ZMIZ1: variants seen among roughly 807,000 people sequenced by gnomAD.
The protein encoded by ZMIZ1 is zinc finger MIZ-type containing 1, also known as zinc finger MIZ domain-containing protein 1.
ZMIZ1 carries 17 observed loss-of-function variants against 113.9 expected under a neutral mutation model. That is an observed-to-expected ratio of 0.15 (90% CI 0.10 to 0.22). The LOEUF (loss-of-function observed/expected upper bound fraction) is 0.22. Ranked by LOEUF, ZMIZ1 falls within the 10% of genes least tolerant of loss-of-function variation. The pLI is 1.00. For missense variants in ZMIZ1, 1,059 were observed against 1,477.8 expected (o/e 0.72, Z 4.65); for synonymous variants, 607 against 603.1 (o/e 1.01, Z -0.09).
chr10:79,070,374 C>A (rs541939542), intron 1 of ZMIZ1, among the ~76,000 whole-genome samples: 1 of 152,250 alleles, frequency 6.6e-6, no homozygotes, highest in African/African-American at 2.4e-5. Flanking sequence ...GGGCGGCCGC[C>A]TTCCCGGCCA....
rs780656217 is a variant in ZMIZ1 at position 79,299,241 on chromosome 10, C to T, written c.1808+50C>T. The T allele has an allele frequency of 7.1e-6, 11 of 1,559,514 alleles. No individual in the cohort carries two copies. In the South Asian group the frequency reaches 1.3e-4, roughly 18 times the overall value. On this transcript the variant is annotated intron_variant, in intron 16 of 24. Transcript: ENST00000334512. Reference sequence around the variant, plus strand: ...GCCCAGGCGGGATGAAGGAGGTCCCCTGGGATGGCTTCCTTGGGCCCGAGT... The same window carrying T: ...GCCCAGGCGGGATGAAGGAGGTCCCTTGGGATGGCTTCCTTGGGCCCGAGT...
chr10:79,105,571 A>G (rs1843525725), intron 1 of ZMIZ1, among the ~76,000 whole-genome samples: 1 of 152,222 alleles, frequency 6.6e-6, no homozygotes, highest in Non-Finnish European at 1.5e-5. Context: ...TGACTGTGTC[A>G]AGGACAGCTG....
At chr10:79,307,925 G>A (rs543492702) in intron 23 of ZMIZ1, among the ~76,000 whole-genome samples, 66 of 152,164 alleles carry the variant, frequency 4.3e-4, no homozygotes, top group African/African-American at 1.6e-3. Flanking sequence ...CACCTAACAC[G>A]GTTCCAGCCA....
chr10:79,104,066 G>A (rs1843467483), intron 1 of ZMIZ1, among the ~76,000 whole-genome samples: 1 of 152,206 alleles, frequency 6.6e-6, no homozygotes, highest in Admixed American at 6.5e-5. Flanking sequence ...AGCAGGAGTA[G>A]CAACATGCTC....
chr10:79,314,008 G>C lies in ZMIZ1; in HGVS notation c.*1259G>C, dbSNP rs1030662606. 20 of 456,054 alleles carry C rather than the reference G, an allele frequency of 4.4e-5. No homozygotes were observed. Among genetic ancestry groups the C allele is most frequent in the African/African-American group, 3.2e-4 (16 of 50,202 alleles). 28.3% of individuals were successfully genotyped at this position (456,054 alleles called of 1,614,324 possible). On this transcript the variant is annotated 3_prime_UTR_variant, in exon 25 of 25. Transcript: ENST00000334512. ...CACCAGTATGTACCTGCAGGCATGG[G>C]GGGGAGGGGGGCGTGTTTCTGGGCC...
At chr10:79,177,826 G>A (rs2132556520) in intron 4 of ZMIZ1, among the ~76,000 whole-genome samples, 1 of 152,330 alleles carries the variant, frequency 6.6e-6, no homozygotes, top group Non-Finnish European at 1.5e-5. Flanking sequence ...TCAGAAAAGT[G>A]AAGGAAGAAA....
At chr10:79,208,579 T>A in intron 6 of ZMIZ1, 130 bp downstream of exon 6, 1 of 773,336 alleles carries the variant, frequency 1.3e-6, no homozygotes, top group Non-Finnish European at 2.1e-6. Flanking sequence ...GGGAAGACAC[T>A]GGTGCTGGGG....
chr10:79,165,968 G>GTATCTGGGCTCTTCCTGCAGCTCAGC (rs1564692785), intron 4 of ZMIZ1, among the ~76,000 whole-genome samples: 4 of 146,836 alleles, frequency 2.7e-5, no homozygotes, highest in African/African-American at 1.1e-4. Flanking sequence ...GTGTGTGTGT[G>GTATCTGGGCTCTTCCTGCAGCTCAGC]TGTGTGTGTG....
chr10:79,245,286 A>G (rs1850123297), intron 7 of ZMIZ1, among the ~76,000 whole-genome samples: 2 of 152,096 alleles, frequency 1.3e-5, no homozygotes, highest in Non-Finnish European at 2.9e-5. Flanking sequence ...CAGATGGGAA[A>G]ACTGATGTGC....
rs879142180 is a variant in ZMIZ1, at chr10:79,315,468, A to G, written c.*2719A>G. ...CGAGGCCTCTGCAAGCCACTTTTCC[A>G]TGCCAAGCATCCACCCGGCCCACAG... On this transcript the variant is annotated 3_prime_UTR_variant, in exon 25 of 25. Coordinates refer to ENST00000334512, the MANE Select transcript of ZMIZ1 (RefSeq NM_020338.4). The G allele has an allele frequency of 6.5e-6, 1 of 152,836 alleles. No homozygotes were observed. Among genetic ancestry groups the G allele is most frequent in the African/African-American group, 2.4e-5 (1 of 41,472 alleles). 9.5% of individuals were successfully genotyped at this position (152,836 alleles called of 1,614,324 possible). A position where few individuals can be genotyped will look rare whatever the true frequency, so the allele number is the denominator to read the frequency against.
intron 4 of ZMIZ1, among the ~76,000 whole-genome samples, chr10:79,180,247 G>A (rs1011593392): frequency 3.3e-5 from 5 of 152,126 alleles, no homozygotes; most frequent in African/African-American, 7.2e-5. Context: ...AAGCACACCC[G>A]TGACCAGGGC....
intron 21 of ZMIZ1, 27 bp downstream of exon 21, chr10:79,305,628 G>T (rs1854633231): frequency 1.2e-6 from 2 of 1,606,410 alleles, no homozygotes; most frequent in East Asian, 2.2e-5. Flanking sequence ...CGAGGGGCAG[G>T]GGGTGGGAGG....
intron 7 of ZMIZ1, among the ~76,000 whole-genome samples, chr10:79,233,152 G>A (rs1849462126): frequency 3.9e-5 from 6 of 152,246 alleles, no homozygotes. Flanking sequence ...TTGAGGGGGA[G>A]CAGCAGAAGC....
rs10648318 is a variant in ZMIZ1, at chr10:79,197,595, T to TACACACACACAC, written c.-49-3985_-49-3974dup. Among the ~76,000 whole-genome samples the TACACACACACAC allele has an allele frequency of 6.5e-3, 891 of 136,654 alleles. 15 individuals are homozygous for TACACACACACAC. The highest frequency in any genetic ancestry group is 0.014 in the East Asian group (59 of 4,310). The allele number at this position is 136,654 out of a possible 152,430, so 89.7% of individuals were successfully genotyped here. ...ATTACGCCCCTGCCAACCCAGACCA[T>TACACACACACAC]ACACACACACACACATACACACACA... On this transcript the variant is annotated intron_variant, in intron 4 of 24. Transcript: ENST00000334512.
rs1852363794 is a variant in ZMIZ1, at chr10:79,277,333, G to T, written c.425+8G>T. On this transcript the variant is annotated splice_region_variant and intron_variant, in intron 8 of 24. Transcript: ENST00000334512. ...ACCCACTCTGTCGCACAGGTAAGTG[G>T]GTGGGTGCCATGGGTGCAGGTACTG... The T allele has an allele frequency of 6.3e-7, 1 of 1,590,156 alleles. No individual in the cohort carries two copies. The highest frequency in any genetic ancestry group is 2.4e-5 in the East Asian group (1 of 42,504).
intron 3 of ZMIZ1, among the ~76,000 whole-genome samples, chr10:79,141,566 C>A (rs1845271880): frequency 6.6e-6 from 1 of 152,126 alleles, no homozygotes; most frequent in Non-Finnish European, 1.5e-5. Context: ...CACCATCATG[C>A]CTGGCTAATT....
chr10:79,124,005 T>A (rs976437250), intron 2 of ZMIZ1, among the ~76,000 whole-genome samples: 1 of 152,194 alleles, frequency 6.6e-6, no homozygotes, highest in Admixed American at 6.5e-5. Flanking sequence ...CACCCCAGCC[T>A]CTGCAGCCTG....
chr10:79,220,893 CTG>C (rs1280393514), intron 7 of ZMIZ1, among the ~76,000 whole-genome samples: 3 of 151,954 alleles, frequency 2.0e-5, no homozygotes, highest in East Asian at 1.9e-4. Context: ...TCTGAGCATG[CTG>C]TGTGTGGCTG....
chr10:79,286,075 A>T (rs1256751470), intron 8 of ZMIZ1, among the ~76,000 whole-genome samples: 1 of 152,182 alleles, frequency 6.6e-6, no homozygotes, highest in Non-Finnish European at 1.5e-5. Flanking sequence ...ATGGTGTGAT[A>T]CTGGGCAGGC....
Sources: allele counts gnomAD v4.1 joint callset (sites outside exome capture counted in the v4.1 genomes callset), GRCh38; gene constraint gnomAD v4.1.1; transcripts MANE v1.5; gene names NCBI Gene and HGNC (gene_info 2026-07-23, HGNC 2026-07-21).